Variants in ZNF724 observed in about 807,000 individuals in gnomAD.
ZNF724 encodes zinc finger protein 724 pseudogene.
A neutral mutation model predicts 29.3 loss-of-function variants in ZNF724; 14 were observed. The ratio of observed to expected loss-of-function variants is 0.48; its 90% confidence interval spans 0.32 to 0.75. The LOEUF (loss-of-function observed/expected upper bound fraction) is 0.75, where lower values mean the gene tolerates loss of function less well. Among genes scored for constraint, ZNF724 ranks in the 30% least tolerant of loss-of-function variants. The pLI, the probability that ZNF724 is intolerant of heterozygous loss-of-function variation, is 0.04. For missense variants in ZNF724, 557 were observed against 571.2 expected (o/e 0.98, Z 0.25); for synonymous variants, 180 against 193.6 (o/e 0.93, Z 0.58).
At chr19:23,239,746 G>C (rs986538560) in intron 1 of ZNF724, among the ~76,000 whole-genome samples, 1 of 152,124 alleles carries the variant, frequency 6.6e-6, no homozygotes, top group African/African-American at 2.4e-5. Flanking sequence ...AGGAGACAGA[G>C]GTTGCAGCGA....
chr19:23,246,361 T>C (rs902639832), intron 1 of ZNF724, among the ~76,000 whole-genome samples: 41 of 152,116 alleles, frequency 2.7e-4, no homozygotes, highest in African/African-American at 9.2e-4. Context: ...TTTTGTCTTA[T>C]AAAATTTAGC....
At position 23,223,558 on chromosome 19, in the gene ZNF724, T is replaced by G. The variant is rs917777655; in HGVS notation, c.687A>C (p.Glu229Asp). Residue 229 changes from glutamate (E) to aspartate (D), a missense_variant, in exon 4 of 4, where the codon GAA becomes GAC. Glu to Asp is a conservative substitution (Grantham distance 45). Around this residue, in one of 3 missense-constraint regions of ZNF724, gnomAD observed 362 missense variants for 295.5 expected, o/e 1.22. Transcript: ENST00000418100. ...IHTGQKHYKC[E>D]ECGIAFNKSS... ...ACTTGTTAAAGGCTATGCCACATTC[T>G]TCACATTTGTAGTGTTTTTGTCCTG... 13 of 727,858 alleles carry G rather than the reference T, an allele frequency of 1.8e-5. No homozygotes were observed. Among genetic ancestry groups the G allele is most frequent in the Non-Finnish European group, 3.3e-5 (13 of 392,212 alleles). 45.1% of individuals were successfully genotyped at this position (727,858 alleles called of 1,614,324 possible).
At chr19:23,225,043 G>A (rs889357582) in intron 3 of ZNF724, among the ~76,000 whole-genome samples, 1 of 151,890 alleles carries the variant, frequency 6.6e-6, no homozygotes, top group Non-Finnish European at 1.5e-5. Context: ...TATGTTGATT[G>A]TTGATGGAAA....
intron 1 of ZNF724, 39 bp from the exon 2 acceptor site, chr19:23,232,332 G>T (rs774463484): frequency 9.7e-7 from 1 of 1,027,476 alleles, no homozygotes; most frequent in Non-Finnish European, 1.5e-6. Context: ...AAGTGGCCAT[G>T]GGCAAAATTT....
chr19:23,243,482 A>AC (rs71163472), intron 1 of ZNF724, among the ~76,000 whole-genome samples: 1 of 120,530 alleles, frequency 8.3e-6, no homozygotes, highest in Non-Finnish European at 1.8e-5. Context: ...TCTCAAAAAA[A>AC]AAAAAAAAAA....
chr19:23,249,264 A>G (rs1347575808), intron 1 of ZNF724, among the ~76,000 whole-genome samples: 1 of 140,804 alleles, frequency 7.1e-6, no homozygotes, highest in African/African-American at 2.6e-5. Flanking sequence ...TTTTCTAGAC[A>G]GAGTCTTCTT....
At chr19:23,224,442 A>G (rs202093754) in intron 3 of ZNF724, among the ~76,000 whole-genome samples, 1 of 152,116 alleles carries the variant, frequency 6.6e-6, no homozygotes, top group African/African-American at 2.4e-5. Context: ...AAAAAACTGC[A>G]TAACAAAATA....
chr19:23,239,017 A>G (rs73559579), intron 1 of ZNF724, among the ~76,000 whole-genome samples: 2,076 of 152,342 alleles, frequency 0.014, 58 homozygotes, highest in African/African-American at 0.047. Flanking sequence ...CACACTAAAG[A>G]AAAAAGCAGA....
chr19:23,239,289 C>T (rs1427215941), intron 1 of ZNF724, among the ~76,000 whole-genome samples: 4 of 152,228 alleles, frequency 2.6e-5, no homozygotes, highest in Non-Finnish European at 5.9e-5. Flanking sequence ...ATCACCACGT[C>T]ACATACTCTA....
In ZNF724 at chr19:23,221,953, A is replaced by C. The variant is rs1971723093; in HGVS notation, c.*432T>G. On this transcript the variant is annotated 3_prime_UTR_variant, in exon 4 of 4. Transcript: ENST00000418100. Reference sequence around the variant, plus strand: ...TTTAAAGGCTTATATTTTCTGAAAAATCTATTGACAGTAATTTCATCTTTA... The same window carrying C: ...TTTAAAGGCTTATATTTTCTGAAAACTCTATTGACAGTAATTTCATCTTTA... 1 of 161,250 alleles carries C rather than the reference A, an allele frequency of 6.2e-6. No homozygotes were observed. The highest frequency in any genetic ancestry group is 1.7e-4 in the South Asian group (1 of 5,808). 10.0% of individuals were successfully genotyped at this position (161,250 alleles called of 1,614,324 possible).
intron 1 of ZNF724, among the ~76,000 whole-genome samples, chr19:23,249,593 G>A (rs1972311879): frequency 6.6e-6 from 1 of 152,138 alleles, no homozygotes; most frequent in Non-Finnish European, 1.5e-5. Context: ...AGAAACGGGG[G>A]TTTCACCATG....
intron 1 of ZNF724, among the ~76,000 whole-genome samples, chr19:23,245,915 A>T (rs1483857592): frequency 6.6e-6 from 1 of 152,160 alleles, no homozygotes; most frequent in East Asian, 1.9e-4. Context: ...TCTTAACTGC[A>T]TCTGTCTGTG....
At chr19:23,231,133 T>C in intron 3 of ZNF724, 133 bp downstream of exon 3, 1 of 688,024 alleles carries the variant, frequency 1.5e-6, no homozygotes, top group Non-Finnish European at 2.3e-6. Flanking sequence ...TCTGCCCGCC[T>C]TAGCCTCTCC....
chr19:23,239,522 TAAG>T (rs1004971858), intron 1 of ZNF724, among the ~76,000 whole-genome samples: 115 of 152,126 alleles, frequency 7.6e-4, no homozygotes, highest in African/African-American at 2.6e-3. Context: ...TTGAAACAAA[TAAG>T]AAGAACAAAG....
intron 1 of ZNF724, among the ~76,000 whole-genome samples, chr19:23,244,175 C>T (rs558977099): frequency 6.1e-5 from 9 of 147,440 alleles, no homozygotes; most frequent in Admixed American, 2.1e-4. Context: ...CATGCAGGCA[C>T]GTGAGATTAT....
In ZNF724 at chr19:23,223,983, C is replaced by G. The variant is rs1268654274; in HGVS notation, c.262G>C (p.Glu88Gln). Residue 88 changes from glutamate to glutamine, a missense_variant, in exon 4 of 4, where the codon GAG becomes CAG. Around this residue, in one of 3 missense-constraint regions of ZNF724, gnomAD observed 362 missense variants for 295.5 expected, o/e 1.22. Transcript: ENST00000418100. ...CCYFAQDLRP[E>Q]QSIKASLQRI... ...TGCAAAGAAGCTTTTATGCTCTGCTCTGGCCGAAGGTCTTGGGCAAAATAA... is the reference window on the plus strand; with the variant it reads ...TGCAAAGAAGCTTTTATGCTCTGCTGTGGCCGAAGGTCTTGGGCAAAATAA... 2 of 702,634 alleles carry G rather than the reference C, an allele frequency of 2.8e-6. No individual in the cohort carries two copies. Among genetic ancestry groups the G allele is most frequent in the Non-Finnish European group, 5.2e-6 (2 of 387,104 alleles). 43.5% of individuals were successfully genotyped at this position (702,634 alleles called of 1,614,324 possible). A position where few individuals can be genotyped will look rare whatever the true frequency, so the allele number is the denominator to read the frequency against.
chr19:23,237,795 A>G (rs1972047532), intron 1 of ZNF724, among the ~76,000 whole-genome samples: 1 of 151,986 alleles, frequency 6.6e-6, no homozygotes, highest in Non-Finnish European at 1.5e-5. Flanking sequence ...TAACCATGCT[A>G]ATTGTTTTGA....
chr19:23,247,489 A>C (rs1972260862), intron 1 of ZNF724, among the ~76,000 whole-genome samples: 1 of 152,128 alleles, frequency 6.6e-6, no homozygotes, highest in Non-Finnish European at 1.5e-5. Flanking sequence ...GATGTGTCTG[A>C]CTCATTCGTC....
intron 1 of ZNF724, among the ~76,000 whole-genome samples, chr19:23,246,220 A>C (rs1972230132): frequency 6.6e-6 from 1 of 152,222 alleles, no homozygotes; most frequent in African/African-American, 2.4e-5. Context: ...TAAGGTGCTT[A>C]AGTTTTATAC....
Sources: gnomAD v4.1 joint callset for allele counts (sites outside exome capture counted in the v4.1 genomes callset) on GRCh38, gnomAD v4.1.1 for gene constraint, gnomAD v4.1.1 regional missense constraint, MANE v1.5 for transcripts, NCBI Gene and HGNC (gene_info 2026-07-23, HGNC 2026-07-21) for gene names.